TPO: variants seen among roughly 807,000 people sequenced by gnomAD.
The protein encoded by TPO is thyroid peroxidase.
A neutral mutation model predicts 96.9 loss-of-function variants in TPO; 78 were observed. The observed-to-expected ratio is 0.81, with a 90% CI of 0.67 to 0.97. The LOEUF (loss-of-function observed/expected upper bound fraction) is 0.97, where lower values mean the gene tolerates loss of function less well. Ranked by LOEUF, TPO falls within the 50% of genes least tolerant of loss-of-function variation. TPO has a pLI of 0.00. For missense variants in TPO, 1,252 were observed against 1,274.8 expected (o/e 0.98, Z 0.27); for synonymous variants, 547 against 538.0 (o/e 1.02, Z -0.23).
chr2:1,514,707 C>G (rs1018009548), intron 14 of TPO, among the ~76,000 whole-genome samples: 5 of 152,250 alleles, frequency 3.3e-5, no homozygotes, highest in African/African-American at 1.2e-4. Flanking sequence ...CTCCCAGAAG[C>G]ACACAGCCTT....
At chr2:1,375,038 C>G (rs929322433) in intron 1 of TPO, among the ~76,000 whole-genome samples, 11 of 151,884 alleles carry the variant, frequency 7.2e-5, no homozygotes, top group African/African-American at 2.7e-4. Context: ...CATAGATATA[C>G]CTTTTCAACA....
chr2:1,427,005 T>G (rs1417516939), intron 3 of TPO, among the ~76,000 whole-genome samples: 1 of 150,574 alleles, frequency 6.6e-6, no homozygotes, highest in East Asian at 2.0e-4. Flanking sequence ...AAAGGGAGAG[T>G]CTGAGACCAC....
chr2:1,379,755 AT>A (rs1356627137), intron 1 of TPO, among the ~76,000 whole-genome samples: 10 of 152,190 alleles, frequency 6.6e-5, no homozygotes, highest in Admixed American at 6.5e-4. Flanking sequence ...TAATATCATA[AT>A]GTTTCTGTCA....
chr2:1,508,789 A>G (rs1157728649), intron 14 of TPO, among the ~76,000 whole-genome samples: 1 of 152,016 alleles, frequency 6.6e-6, no homozygotes, highest in African/African-American at 2.4e-5. Context: ...CTTCTTTATT[A>G]GTCTTGCTAG....
At chr2:1,411,494 T>C (rs1662336271), upstream of TPO, among the ~76,000 whole-genome samples, 1 of 152,212 alleles carries the variant, frequency 6.6e-6, no homozygotes, top group East Asian at 1.9e-4. Flanking sequence ...TGCTTTCTTC[T>C]TCAAACTCTT....
chr2:1,430,482 T>A lies in TPO; in HGVS notation c.180-2956T>A, dbSNP rs77480948. 9.9e-3 allele frequency among the ~76,000 whole-genome samples: 1,500 copies of A among 152,238 alleles called. 28 individuals carry two copies. Among genetic ancestry groups the A allele is most frequent in the African/African-American group, 0.035 (1,436 of 41,536 alleles). On this transcript the variant is annotated intron_variant, in intron 3 of 16. Coordinates refer to ENST00000329066, the MANE Select transcript of TPO (RefSeq NM_001206744.2). ...GGCCATGCTGAGGGGGAATGTGAGG[T>A]TGAAGCCCCCACACAGAGTGCCCAC...
At chr2:1,440,742 A>G (rs1666090344) in intron 5 of TPO, among the ~76,000 whole-genome samples, 1 of 148,878 alleles carries the variant, frequency 6.7e-6, no homozygotes, top group Non-Finnish European at 1.5e-5. Flanking sequence ...TGTTTGTATG[A>G]TCTAGTCAGT....
intron 8 of TPO, among the ~76,000 whole-genome samples, chr2:1,480,559 TACACACACACACACACACACACAC>T (rs3036105): frequency 4.5e-5 from 2 of 44,362 alleles, no homozygotes; most frequent in Admixed American, 3.1e-4. Flanking sequence ...TCAAACCCCC[TACACACACACACACACACACACAC>T]ACACACACAC....
chr2:1,477,885 C>T (rs1670135378), intron 8 of TPO: 2 of 985,430 alleles, frequency 2.0e-6, no homozygotes, highest in Non-Finnish European at 2.4e-6. Flanking sequence ...ACCTGCTTAC[C>T]CTCCAGCCGG....
At chr2:1,533,001 A>C (rs1573620137) in intron 15 of TPO, among the ~76,000 whole-genome samples, 3 of 48,072 alleles carry the variant, frequency 6.2e-5, no homozygotes, top group Non-Finnish European at 7.5e-5. Flanking sequence ...ACTGTGTGCA[A>C]CCTCCTCTAG....
chr2:1,432,587 CT>C (rs1665106966), intron 3 of TPO, among the ~76,000 whole-genome samples: 1 of 130,170 alleles, frequency 7.7e-6, no homozygotes, highest in Admixed American at 7.6e-5. Flanking sequence ...GAGGAGAGGC[CT>C]GCAGGTGGGG....
intron 13 of TPO, 66 bp from the exon 14 acceptor site, chr2:1,503,882 G>A (rs1673128978): frequency 1.2e-6 from 2 of 1,613,418 alleles, no homozygotes; most frequent in Non-Finnish European, 1.7e-6. Context: ...CCAGAACGGG[G>A]GTCGCTCGCG....
chr2:1,424,606 G>A (rs1243985572), intron 3 of TPO, among the ~76,000 whole-genome samples: 4 of 152,242 alleles, frequency 2.6e-5, no homozygotes, highest in African/African-American at 9.6e-5. Context: ...AAGACCAGGA[G>A]AGGCATCAAC....
intron 11 of TPO, among the ~76,000 whole-genome samples, chr2:1,495,254 G>A (rs1672207637): frequency 6.6e-6 from 1 of 152,212 alleles, no homozygotes; most frequent in Non-Finnish European, 1.5e-5. Flanking sequence ...CATGTTCTAA[G>A]AGGAATTCAT....
At chr2:1,411,980 C>CT (rs1662388921), upstream of TPO, among the ~76,000 whole-genome samples, 2 of 152,196 alleles carry the variant, frequency 1.3e-5, no homozygotes, top group African/African-American at 4.8e-5. Context: ...CTCTTGAGGT[C>CT]TTTTCCATCC....
At chr2:1,403,942 G>A (rs2148378449) in intron 1 of TPO, among the ~76,000 whole-genome samples, 1 of 152,318 alleles carries the variant, frequency 6.6e-6, no homozygotes, top group East Asian at 1.9e-4. Context: ...GCTTGGGATG[G>A]GGGCCTGTCT....
Position 1,520,413 on chromosome 2 carries a change from C to T in TPO, c.2618+3431C>T, listed in dbSNP as rs150231796. Among the ~76,000 whole-genome samples, 63 of 152,230 alleles carry T rather than the reference C, an allele frequency of 4.1e-4. No individual in the cohort carries two copies. In the East Asian group the frequency reaches 0.011, roughly 27 times the overall value. ...GAGACAGAGACAGCAGAGAGAGACA[C>T]GGGAGGGGAGAGAACCCAGCACGGT... On this transcript the variant is annotated intron_variant, in intron 15 of 16. Transcript: ENST00000329066.
chr2:1,493,292 G>A (rs527488261), intron 10 of TPO, among the ~76,000 whole-genome samples: 1 of 151,444 alleles, frequency 6.6e-6, no homozygotes, highest in African/African-American at 2.4e-5. Context: ...AGCTGTGTCA[G>A]TTGCCCTGTA....
At chr2:1,380,190 C>A (rs574132805) in intron 1 of TPO, among the ~76,000 whole-genome samples, 5 of 152,056 alleles carry the variant, frequency 3.3e-5, no homozygotes, top group Non-Finnish European at 7.4e-5. Context: ...GTCAGGAGAT[C>A]AAGACCATCC....
Sources: allele counts gnomAD v4.1 joint callset (sites outside exome capture counted in the v4.1 genomes callset), GRCh38; gene constraint gnomAD v4.1.1; transcripts MANE v1.5; gene names NCBI Gene and HGNC (gene_info 2026-07-23, HGNC 2026-07-21).